The following POMGNT1 variants were observed in gnomAD, a reference collection of about 807,000 sequenced individuals.
The protein encoded by POMGNT1 is protein O-linked mannose N-acetylglucosaminyltransferase 1 (beta 1,2-).
Under a neutral mutation model 95.6 loss-of-function variants are expected in POMGNT1, and 67 were observed. The observed-to-expected ratio is 0.70, with a 90% CI of 0.58 to 0.86. The LOEUF is 0.86. Ranked by LOEUF, POMGNT1 falls within the 40% of genes least tolerant of loss-of-function variation. The probability of loss-of-function intolerance (pLI) is 0.00; values close to 1 mark genes in which losing one functional copy is unlikely to be tolerated. For missense variants in POMGNT1, 719 were observed against 855.2 expected, an observed-to-expected ratio of 0.84 and a Z score of 1.99; for synonymous variants, 298 against 317.9, an observed-to-expected ratio of 0.94 and a Z score of 0.66.
upstream of POMGNT1, among the ~76,000 whole-genome samples, chr1:46,202,078 A>G (rs1658549330): frequency 6.6e-6 from 1 of 151,100 alleles, no homozygotes; most frequent in African/African-American, 2.4e-5. Context: ...TTAACTCTAA[A>G]CAATAACGTT....
intron 1 of POMGNT1, among the ~76,000 whole-genome samples, chr1:46,204,664 A>G (rs540140086): frequency 6.6e-6 from 1 of 152,298 alleles, no homozygotes; most frequent in East Asian, 1.9e-4. Context: ...TGGGTGGAGC[A>G]GTCAGGAAAG....
chr1:46,203,003 C>T (rs1166673750), upstream of POMGNT1, among the ~76,000 whole-genome samples: 1 of 147,746 alleles, frequency 6.8e-6, no homozygotes, highest in Non-Finnish European at 1.5e-5. Context: ...TCCTCTGCTC[C>T]AGGAAGACTT....
At chr1:46,201,685 G>A (rs1442708246), upstream of POMGNT1, among the ~76,000 whole-genome samples, 6 of 133,090 alleles carry the variant, frequency 4.5e-5, no homozygotes, top group South Asian at 2.5e-4. Flanking sequence ...GCGACAGAGT[G>A]AGACTCCATC....
chr1:46,189,596 A>G, intron 20 of POMGNT1, 29 bp from the exon 21 acceptor site: 1 of 1,595,190 alleles, frequency 6.3e-7, no homozygotes, highest in Non-Finnish European at 8.6e-7. Context: ...AGACAGAGAC[A>G]TGGGTCAGAG....
At chr1:46,198,205 G>C (rs553469728) in intron 1 of POMGNT1, 131 bp downstream of exon 1, 234 of 222,190 alleles carry the variant, frequency 1.1e-3, no homozygotes, top group African/African-American at 5.2e-3. Flanking sequence ...TCCTGCCCCA[G>C]TCTTCAACCC....
At position 46,194,905 on chromosome 1, in the gene POMGNT1, G is replaced by C; in HGVS notation, c.591C>G (p.Gly197=). The C allele has an allele frequency of 6.2e-7, 1 of 1,614,172 alleles. No individual in the cohort carries two copies. Among genetic ancestry groups the C allele is most frequent in the Non-Finnish European group, 8.5e-7 (1 of 1,180,050 alleles). Residue 197 remains glycine (G), a synonymous_variant, in exon 7 of 22, where the codon GGC becomes GGG. Transcript: ENST00000371984. ...DTAKALLRSL[G]SQAGPALGWR... ...AGCCCAGGGCAGGGCCAGCCTGGCTGCCCAGGCTCCTCAGCAGAGCCTTGG... is the reference window on the plus strand; with the variant it reads ...AGCCCAGGGCAGGGCCAGCCTGGCTCCCCAGGCTCCTCAGCAGAGCCTTGG...
intron 2 of POMGNT1, 198 bp from the exon 3 acceptor site, chr1:46,197,282 TC>T (rs1203194039): frequency 2.0e-6 from 3 of 1,507,794 alleles, no homozygotes; most frequent in Non-Finnish European, 2.7e-6. Flanking sequence ...CCCTGACACT[TC>T]CCCCTCCATT....
In POMGNT1 at chr1:46,194,592, C is replaced by G. The variant is rs755032396; in HGVS notation, c.712G>C (p.Val238Leu). ...AATGGCACATCTGTCTTCAGCAGGA[C>G]TGGGTCCCCCCAGGAAGAGAGGGCA... Reference protein sequence around the residue: ...SPALSSWGDPVLLKTDVPLSS... With the variant: ...SPALSSWGDPLLLKTDVPLSS... The change falls in exon 8 of 22, where the codon GTC (valine) becomes CTC (leucine). Residue 238 changes from valine (V) to leucine (L), a missense_variant. Transcript: ENST00000371984. 1.9e-6 allele frequency: 3 copies of G among 1,614,118 alleles called. No homozygotes were observed. The African/African-American group carries it at 4.0e-5, about 22-fold the overall frequency.
intron 1 of POMGNT1, among the ~76,000 whole-genome samples, chr1:46,211,997 G>C (rs977558707): frequency 6.6e-6 from 1 of 152,032 alleles, no homozygotes; most frequent in African/African-American, 2.4e-5. Context: ...CCTGATCTCA[G>C]GTGATCTTCC....
chr1:46,197,037 CT>C lies in POMGNT1; in HGVS notation c.167del (p.Lys56SerfsTer2). On this transcript the variant is annotated frameshift_variant, in exon 3 of 22. Coordinates refer to ENST00000371984, the MANE Select transcript of POMGNT1 (RefSeq NM_017739.4). LOFTEE classifies it high-confidence loss of function. ...FLLVTVIVNI[K>X]LILDTRRAIS... ...TGGCTCGCCGAGTGTCCAGGATCAA[CT>C]TGATATTGACAATGACAGTCACCAG... is the stretch of plus-strand genomic sequence containing the variant. The C allele has an allele frequency of 1.2e-6, 2 of 1,614,204 alleles. No homozygotes were observed. Among genetic ancestry groups the C allele is most frequent in the Non-Finnish European group, 8.5e-7 (1 of 1,180,024 alleles).
intron 6 of POMGNT1, 39 bp from the exon 7 acceptor site, chr1:46,195,000 G>C: frequency 1.9e-6 from 3 of 1,596,012 alleles, no homozygotes; most frequent in Non-Finnish European, 2.6e-6. Flanking sequence ...GACTGGCATG[G>C]TTCCAGGAGA....
At chr1:46,219,696 C>T (rs1383815158) in intron 1 of POMGNT1, 2 of 1,576,946 alleles carry the variant, frequency 1.3e-6, no homozygotes, top group Non-Finnish European at 1.7e-6. Flanking sequence ...CCCACTCCCC[C>T]AGGCTTACCT....
chr1:46,195,537 T>A (rs747897027), intron 6 of POMGNT1: 40 of 500,130 alleles, frequency 8.0e-5, no homozygotes, highest in Non-Finnish European at 1.3e-4. Context: ...GCTGTTTCTG[T>A]TGACCTCCCA....
At chr1:46,220,272 G>A in exon 1 of POMGNT1, 4 of 1,522,248 alleles carry the variant, frequency 2.6e-6, no homozygotes, top group Non-Finnish European at 3.5e-6. Flanking sequence ...ATTAGATGTG[G>A]TCTCCCCCAA....
chr1:46,218,047 A>G (rs1659121135), intron 1 of POMGNT1, among the ~76,000 whole-genome samples: 2 of 152,194 alleles, frequency 1.3e-5, no homozygotes, highest in Admixed American at 6.5e-5. Flanking sequence ...AGAACTGTTC[A>G]TGTTCATAAT....
chr1:46,195,659 A>C (rs1658171786), intron 6 of POMGNT1, 152 bp downstream of exon 6: 1 of 769,226 alleles, frequency 1.3e-6, no homozygotes, highest in East Asian at 2.7e-5. Context: ...CTATTTGCTG[A>C]ATTAATACAA....
Position 46,204,250 on chromosome 1 carries a change from C to T in POMGNT1, c.-50-6379G>A, listed in dbSNP as rs1016895462. On this transcript the variant is annotated intron_variant, in intron 1 of 22. Coordinates refer to the POMGNT1 transcript ENST00000371992. ...GATTCCCTCGCCTCAGACTCAGTCT[C>T]CTCCCAGCCAGTCTTCCAGGTAAAC... Among the ~76,000 whole-genome samples, 4 of 152,210 alleles carry T rather than the reference C, an allele frequency of 2.6e-5. No individual in the cohort carries two copies. The South Asian group carries it at 8.3e-4, about 32-fold the overall frequency.
chr1:46,205,820 G>T (rs1043576271), intron 1 of POMGNT1, among the ~76,000 whole-genome samples: 1 of 152,178 alleles, frequency 6.6e-6, no homozygotes, highest in African/African-American at 2.4e-5. Context: ...CTGCCTACTG[G>T]GTTGCACCCA....
chr1:46,216,853 A>C (rs1441100415), intron 1 of POMGNT1, among the ~76,000 whole-genome samples: 1 of 152,120 alleles, frequency 6.6e-6, no homozygotes. Flanking sequence ...TCATATACCC[A>C]ATGTTTAGCT....
Sources: gnomAD v4.1 joint callset for allele counts (sites outside exome capture counted in the v4.1 genomes callset) on GRCh38, gnomAD v4.1.1 for gene constraint, MANE v1.5 for transcripts, NCBI Gene and HGNC (gene_info 2026-07-23, HGNC 2026-07-21) for gene names.